The following DCUN1D5 variants were observed in gnomAD, a reference collection of about 807,000 sequenced individuals.
DCUN1D5 encodes the protein DCN1-like protein 5.
A neutral mutation model predicts 38.3 loss-of-function variants in DCUN1D5; 10 were observed. That is an observed-to-expected ratio of 0.26 (90% CI 0.16 to 0.44). The LOEUF (loss-of-function observed/expected upper bound fraction) is 0.44. Ranked by LOEUF, DCUN1D5 falls within the 20% of genes least tolerant of loss-of-function variation. DCUN1D5 has a pLI of 1.00. For synonymous variants in DCUN1D5, 93 were observed against 90.9 expected, an observed-to-expected ratio of 1.02 and a Z score of -0.13; for missense variants, 148 against 275.3, an observed-to-expected ratio of 0.54 and a Z score of 3.27.
chr11:103,087,154 C>T lies in DCUN1D5; in HGVS notation c.178+2073G>A, dbSNP rs926377918. On this transcript the variant is annotated intron_variant, in intron 2 of 7. Coordinates refer to ENST00000260247, the MANE Select transcript of DCUN1D5 (RefSeq NM_032299.4). This position sits in a 1 kb window ranked among gnomAD's most constrained non-coding sequence, Gnocchi z 4.1. ...CAGTTTGGGCAACATCGTGAAACCC[C>T]ATTTCTTTTTTTCTTTTTCTTTTTT... 1.3e-5 allele frequency among the ~76,000 whole-genome samples: 2 copies of T among 150,274 alleles called. No individual in the cohort carries two copies. The highest frequency in any genetic ancestry group is 4.9e-5 in the African/African-American group (2 of 40,696).
At chr11:103,079,636 T>A (rs1007167061) in intron 4 of DCUN1D5, among the ~76,000 whole-genome samples, 8 of 149,832 alleles carry the variant, frequency 5.3e-5, no homozygotes, top group African/African-American at 1.2e-4. Flanking sequence ...AAAAAAAAAA[T>A]AGCCAGGTGT....
At position 103,064,232 on chromosome 11, in the gene DCUN1D5, T is replaced by C. The variant is rs1565284675; in HGVS notation, c.658+43A>G. The C allele has an allele frequency of 6.7e-7, 1 of 1,501,926 alleles. No individual in the cohort carries two copies. Among genetic ancestry groups the C allele is most frequent in the Non-Finnish European group, 9.2e-7 (1 of 1,089,172 alleles). 93.0% of individuals were successfully genotyped at this position (1,501,926 alleles called of 1,614,324 possible). The stretch of plus-strand genomic sequence containing the variant: ...AAATGCATACTCTCATTTAATATTT[T>C]TGGAAATTTTGTTTTCAAAGGAACA... On this transcript the variant is annotated intron_variant, in intron 7 of 7. Coordinates refer to ENST00000260247, the MANE Select transcript of DCUN1D5 (RefSeq NM_032299.4). The surrounding 1 kb of genome is among the most constrained non-coding windows in gnomAD (Gnocchi z 4.5).
Position 103,065,533 on chromosome 11 carries a change from A to C in DCUN1D5, c.555+736T>G, listed in dbSNP as rs1862113998. 1.3e-5 allele frequency among the ~76,000 whole-genome samples: 2 copies of C among 152,188 alleles called. No individual in the cohort carries two copies. The highest frequency in any genetic ancestry group is 4.1e-4 in the South Asian group (2 of 4,836). On this transcript the variant is annotated intron_variant, in intron 6 of 7. Transcript: ENST00000260247. The surrounding 1 kb of genome is among the most constrained non-coding windows in gnomAD (Gnocchi z 4.6). Reference sequence around the variant, plus strand: ...GCTATAAGCAATGTGCTTTATGAGAAATTATTTCCAAAGGAAAAAGCATCT... The same window carrying C: ...GCTATAAGCAATGTGCTTTATGAGACATTATTTCCAAAGGAAAAAGCATCT...
Position 103,065,059 on chromosome 11 carries a change from A to G in DCUN1D5, c.556-682T>C, listed in dbSNP as rs1393908773. Among the ~76,000 whole-genome samples, 1 of 152,232 alleles carries G rather than the reference A, an allele frequency of 6.6e-6. No individual in the cohort carries two copies. The highest frequency in any genetic ancestry group is 1.5e-5 in the Non-Finnish European group (1 of 68,036). On this transcript the variant is annotated intron_variant, in intron 6 of 7. Transcript: ENST00000260247. This position sits in a 1 kb window ranked among gnomAD's most constrained non-coding sequence, Gnocchi z 4.6. ...TTTGCCCAAAACTACTAATAGGAAG[A>G]AAATAGATACCATCCATCAAAAATA... is the stretch of plus-strand genomic sequence containing the variant.
In DCUN1D5 at chr11:103,061,447, G is replaced by T. The variant is rs532141033; in HGVS notation, c.*912C>A. ...AACAGGCAGAAAATTGTGATAATTAGCAAGCTGCAATACTACCAACGTAAA... is the reference window on the plus strand; with the variant it reads ...AACAGGCAGAAAATTGTGATAATTATCAAGCTGCAATACTACCAACGTAAA... On this transcript the variant is annotated 3_prime_UTR_variant, in exon 8 of 8. Transcript: ENST00000260247. 6.6e-6 allele frequency among the ~76,000 whole-genome samples: 1 copy of T among 152,006 alleles called. No individual in the cohort carries two copies. Among genetic ancestry groups the T allele is most frequent in the Non-Finnish European group, 1.5e-5 (1 of 67,958 alleles).
intron 4 of DCUN1D5, among the ~76,000 whole-genome samples, chr11:103,075,440 G>A (rs1370057033): frequency 1.3e-5 from 2 of 152,006 alleles, no homozygotes; most frequent in South Asian, 2.1e-4. Context: ...GGAGTGCAGA[G>A]GTGCAATCTC....
At position 103,074,617 on chromosome 11, in the gene DCUN1D5, G is replaced by A. The variant is rs776709618; in HGVS notation, c.342-8050C>T. Among the ~76,000 whole-genome samples, 94 of 152,184 alleles carry A rather than the reference G, an allele frequency of 6.2e-4. 1 individual carries two copies. Among genetic ancestry groups the A allele is most frequent in the Non-Finnish European group, 2.9e-4 (20 of 68,026 alleles). On this transcript the variant is annotated intron_variant, in intron 4 of 7. Transcript: ENST00000260247. ...GACAGGGTTTCACCATGTTGGCCAG[G>A]ATGGTCTCAATCTCCTGACCTCGTG...
intron 2 of DCUN1D5, 134 bp downstream of exon 2, chr11:103,089,093 C>T (rs1034604747): frequency 7.8e-5 from 56 of 722,508 alleles, no homozygotes; most frequent in Non-Finnish European, 9.8e-5. Context: ...TACCCACAAT[C>T]TTCAGTCCTG....
rs1203375573 is a variant in DCUN1D5, at chr11:103,051,353, T to C, written c.*11006A>G. Reference sequence around the variant, plus strand: ...TTTTCTGCATGGTTTATCTTGTGGTTTGCTTCTTCTGACAAGGCAGCAACC... The same window carrying C: ...TTTTCTGCATGGTTTATCTTGTGGTCTGCTTCTTCTGACAAGGCAGCAACC... On this transcript the variant is annotated 3_prime_UTR_variant, in exon 8 of 8. Transcript: ENST00000260247. The C allele has an allele frequency of 6.6e-6, 1 of 152,226 alleles. No individual in the cohort carries two copies. The highest frequency in any genetic ancestry group is 2.4e-5 in the African/African-American group (1 of 41,464). The allele number at this position is 152,226 out of a possible 1,614,324, so 9.4% of individuals were successfully genotyped here.
rs1371041939 is a variant in DCUN1D5, at chr11:103,059,005, C to G, written c.*3354G>C. The stretch of plus-strand genomic sequence containing the variant: ...TAAAATGCCCTCAATTTATTTGATG[C>G]CTTAGACATTTAAAACATTAAGCTG... On this transcript the variant is annotated 3_prime_UTR_variant, in exon 8 of 8. Transcript: ENST00000260247. Among the ~76,000 whole-genome samples, 2 of 151,094 alleles carry G rather than the reference C, an allele frequency of 1.3e-5. No homozygotes were observed. Among genetic ancestry groups the G allele is most frequent in the Admixed American group, 6.6e-5 (1 of 15,158 alleles).
At position 103,059,780 on chromosome 11, in the gene DCUN1D5, T is replaced by A. The variant is rs1363736760; in HGVS notation, c.*2579A>T. 6.6e-6 allele frequency among the ~76,000 whole-genome samples: 1 copy of A among 151,924 alleles called. No individual in the cohort carries two copies. The highest frequency in any genetic ancestry group is 2.4e-5 in the African/African-American group (1 of 41,342). On this transcript the variant is annotated 3_prime_UTR_variant, in exon 8 of 8. Coordinates refer to ENST00000260247, the MANE Select transcript of DCUN1D5 (RefSeq NM_032299.4). ...GGTGGGGGGGTTGCAATCTGTCCAA[T>A]CAACATCTGGCTCTACTTTCTCCCA...
intron 2 of DCUN1D5, among the ~76,000 whole-genome samples, chr11:103,085,824 T>C (rs866531485): frequency 1.3e-5 from 2 of 152,220 alleles, no homozygotes; most frequent in Non-Finnish European, 2.9e-5. Flanking sequence ...ATTTTGTTCA[T>C]ACTATGAGTT....
At position 103,057,147 on chromosome 11, in the gene DCUN1D5, A is replaced by G. The variant is rs1861895057; in HGVS notation, c.*5212T>C. 6.6e-6 allele frequency among the ~76,000 whole-genome samples: 1 copy of G among 152,230 alleles called. No homozygotes were observed. The highest frequency in any genetic ancestry group is 2.4e-5 in the African/African-American group (1 of 41,454). On this transcript the variant is annotated 3_prime_UTR_variant, in exon 8 of 8. Coordinates refer to ENST00000260247, the MANE Select transcript of DCUN1D5 (RefSeq NM_032299.4). This position sits in a 1 kb window ranked among gnomAD's most constrained non-coding sequence, Gnocchi z 4.8. ...GATTTCTACATTTGTAGATAAAAGT[A>G]ACTGTGTATGAACTTGCTCTAAGCC...
Position 103,092,155 on chromosome 11 carries a change from G to A in DCUN1D5, c.-283C>T. 5.0e-6 allele frequency: 2 copies of A among 397,338 alleles called. No homozygotes were observed. Among genetic ancestry groups the A allele is most frequent in the Admixed American group, 8.5e-5 (2 of 23,434 alleles). 24.6% of individuals were successfully genotyped at this position (397,338 alleles called of 1,614,324 possible). A position where few individuals can be genotyped will look rare whatever the true frequency, so the allele number is the denominator to read the frequency against. On this transcript the variant is annotated 5_prime_UTR_variant, in exon 1 of 8. Coordinates refer to ENST00000260247, the MANE Select transcript of DCUN1D5 (RefSeq NM_032299.4). The stretch of plus-strand genomic sequence containing the variant: ...CAGCGCGGCAGCTCCACCAGTCACA[G>A]CAAGCAAGAGGCTCAGCCTAACCCG...
intron 2 of DCUN1D5, among the ~76,000 whole-genome samples, chr11:103,084,693 T>G (rs142600612): frequency 2.5e-4 from 38 of 152,234 alleles, no homozygotes; most frequent in Admixed American, 1.2e-3. Context: ...AAAATCAGAT[T>G]TGAAAATTTA....
chr11:103,082,694 C>T, intron 4 of DCUN1D5, 54 bp downstream of exon 4: 16 of 1,145,544 alleles, frequency 1.4e-5, no homozygotes, highest in Non-Finnish European at 1.8e-5. Flanking sequence ...CACAAAATAT[C>T]AATTAAGATC....
Position 103,055,646 on chromosome 11 carries a change from T to C in DCUN1D5, c.*6713A>G, listed in dbSNP as rs1402556151. ...AGAAAATGTTAACATTTTATTTCTA[T>C]TTGAAAAATCACAAAAGTTGGCCTT... On this transcript the variant is annotated 3_prime_UTR_variant, in exon 8 of 8. Coordinates refer to ENST00000260247, the MANE Select transcript of DCUN1D5 (RefSeq NM_032299.4). 6.6e-6 allele frequency: 1 copy of C among 152,166 alleles called. No individual in the cohort carries two copies. Among genetic ancestry groups the C allele is most frequent in the Non-Finnish European group, 1.5e-5 (1 of 68,014 alleles). The allele number at this position is 152,166 out of a possible 1,614,324, so 9.4% of individuals were successfully genotyped here.
In DCUN1D5 at chr11:103,083,955, T is replaced by C. The variant is rs544264140; in HGVS notation, c.179-629A>G. Among the ~76,000 whole-genome samples, 3 of 152,290 alleles carry C rather than the reference T, an allele frequency of 2.0e-5. No homozygotes were observed. The South Asian group carries it at 6.2e-4, about 32-fold the overall frequency. On this transcript the variant is annotated intron_variant, in intron 2 of 7. Coordinates refer to ENST00000260247, the MANE Select transcript of DCUN1D5 (RefSeq NM_032299.4). The surrounding 1 kb of genome is among the most constrained non-coding windows in gnomAD (Gnocchi z 4.4). ...AGCAAGCATTGATGTCACCTTAATG[T>C]AGAAACAGAAGTTTAATCTTTCAAT...
At position 103,063,115 on chromosome 11, in the gene DCUN1D5, T is replaced by C. The variant is rs1019991259; in HGVS notation, c.659-701A>G. Among the ~76,000 whole-genome samples the C allele has an allele frequency of 7.9e-5, 12 of 151,994 alleles. No homozygotes were observed. The highest frequency in any genetic ancestry group is 2.7e-4 in the African/African-American group (11 of 41,404). On this transcript the variant is annotated intron_variant, in intron 7 of 7. Transcript: ENST00000260247. This position sits in a 1 kb window ranked among gnomAD's most constrained non-coding sequence, Gnocchi z 4.6. ...TGCTTTTGACAGACATGTTTCTCTA[T>C]CGTAAGAAAAGCAGCAGAGCACATA...
Sources: allele counts gnomAD v4.1 joint callset (sites outside exome capture counted in the v4.1 genomes callset), GRCh38; gene constraint gnomAD v4.1.1; non-coding constraint Gnocchi (gnomAD v3.1); transcripts MANE v1.5; gene names NCBI Gene and HGNC (gene_info 2026-07-23, HGNC 2026-07-21).